MAP3K5: variants seen among roughly 807,000 people sequenced by gnomAD.
The protein encoded by MAP3K5 is ASK-1.
In MAP3K5, 56 loss-of-function variants were observed where a neutral mutation model predicts 158.7. That is an observed-to-expected ratio of 0.35 (90% CI 0.28 to 0.44). MAP3K5 has a LOEUF of 0.44. Among genes scored for constraint, MAP3K5 ranks in the 20% least tolerant of loss-of-function variants. The pLI is 1.00. For missense variants in MAP3K5, 1,294 were observed against 1,674.8 expected (o/e 0.77, Z 3.97); for synonymous variants, 579 against 601.7 (o/e 0.96, Z 0.55).
At chr6:136,772,467 T>C (rs1037865982) in intron 1 of MAP3K5, among the ~76,000 whole-genome samples, 4 of 149,378 alleles carry the variant, frequency 2.7e-5, no homozygotes, top group South Asian at 2.1e-4. Context: ...CAGAAAAGGA[T>C]GGTTGGGGGC....
intron 13 of MAP3K5, among the ~76,000 whole-genome samples, chr6:136,639,144 AG>A: frequency 6.6e-6 from 1 of 152,268 alleles, no homozygotes; most frequent in East Asian, 1.9e-4. Context: ...AAAGCCTACC[AG>A]GTGGATCTAA....
At chr6:136,636,906 T>C in intron 14 of MAP3K5, 2 of 997,694 alleles carry the variant, frequency 2.0e-6, no homozygotes, top group Non-Finnish European at 2.4e-6. Flanking sequence ...CCTCTCTTAA[T>C]TCCATTAATC....
chr6:136,707,063 G>A (rs1781106716), intron 2 of MAP3K5, among the ~76,000 whole-genome samples: 2 of 152,108 alleles, frequency 1.3e-5, no homozygotes, highest in South Asian at 2.1e-4. Context: ...GCTGGGGCAG[G>A]AGGATCACTT....
At chr6:136,791,642 G>A in intron 1 of MAP3K5, 68 bp downstream of exon 1, 1 of 1,531,376 alleles carries the variant, frequency 6.5e-7, no homozygotes, top group Non-Finnish European at 9.0e-7. Context: ...AAAATGAAAT[G>A]CCCCGAAGAC....
At chr6:136,659,457 T>A in intron 8 of MAP3K5, 79 bp from the exon 9 acceptor site, 1 of 1,292,998 alleles carries the variant, frequency 7.7e-7, no homozygotes, top group Non-Finnish European at 1.1e-6. Context: ...AAAGTAAAAT[T>A]AAGCTTTCAT....
chr6:136,626,570 T>G (rs552410143), intron 14 of MAP3K5, among the ~76,000 whole-genome samples: 44 of 152,300 alleles, frequency 2.9e-4, no homozygotes, highest in Non-Finnish European at 5.7e-4. Flanking sequence ...CAACGCCACC[T>G]GAAGGAGCCC....
At chr6:136,599,937 T>C (rs1775801074) in intron 21 of MAP3K5, among the ~76,000 whole-genome samples, 1 of 152,110 alleles carries the variant, frequency 6.6e-6, no homozygotes, top group Admixed American at 6.6e-5. Flanking sequence ...TACAAGGGTG[T>C]GCCTGTCTTC....
At chr6:136,680,104 G>A (rs1275797758) in intron 7 of MAP3K5, among the ~76,000 whole-genome samples, 1 of 151,840 alleles carries the variant, frequency 6.6e-6, no homozygotes, top group Non-Finnish European at 1.5e-5. Context: ...CCACTTACAT[G>A]AGGTACCTAG....
At chr6:136,635,075 T>C (rs923418253) in intron 14 of MAP3K5, among the ~76,000 whole-genome samples, 1 of 149,262 alleles carries the variant, frequency 6.7e-6, no homozygotes, top group African/African-American at 2.5e-5. Flanking sequence ...TTTGGTAAGA[T>C]GCAGTTAGTT....
chr6:136,638,956 T>G (rs1203539614), intron 13 of MAP3K5, among the ~76,000 whole-genome samples: 1 of 152,228 alleles, frequency 6.6e-6, no homozygotes, highest in Non-Finnish European at 1.5e-5. Context: ...AAGAATTTAA[T>G]TATTAGCCCA....
rs1780592104 is a variant in MAP3K5, at chr6:136,696,141, C to G, written c.976-84G>C. 4 of 732,500 alleles carry G rather than the reference C, an allele frequency of 5.5e-6. No homozygotes were observed. The South Asian group carries it at 7.3e-5, about 13-fold the overall frequency. The allele number at this position is 732,500 out of a possible 1,614,324, so 45.4% of individuals were successfully genotyped here. On this transcript the variant is annotated intron_variant, in intron 5 of 29. Transcript: ENST00000359015. ...AACGTGTCTTTTGACAACCAGATAT[C>G]TGAATTCAAGAAACACATTAAAAAG...
At chr6:136,594,057 A>AT (rs1272608999) in intron 21 of MAP3K5, among the ~76,000 whole-genome samples, 1 of 152,196 alleles carries the variant, frequency 6.6e-6, no homozygotes. Flanking sequence ...ATCTGCTGTT[A>AT]TTTAAATAGT....
chr6:136,700,444 A>G (rs755575680), intron 3 of MAP3K5, among the ~76,000 whole-genome samples: 1 of 152,222 alleles, frequency 6.6e-6, no homozygotes, highest in East Asian at 1.9e-4. Flanking sequence ...AAGGGCGACT[A>G]CCTATACAGA....
chr6:136,733,610 A>G (rs1452913514), intron 1 of MAP3K5, among the ~76,000 whole-genome samples: 1 of 151,424 alleles, frequency 6.6e-6, no homozygotes, highest in Admixed American at 6.6e-5. Flanking sequence ...CTTTAAGTTA[A>G]AAAACAAAAA....
intron 7 of MAP3K5, among the ~76,000 whole-genome samples, chr6:136,682,766 G>A (rs931223326): frequency 6.6e-6 from 1 of 152,090 alleles, no homozygotes; most frequent in African/African-American, 2.4e-5. Flanking sequence ...CCTTAAGAAT[G>A]AGAACACCGT....
chr6:136,715,992 T>G (rs754162246), intron 2 of MAP3K5, among the ~76,000 whole-genome samples: 3 of 114,114 alleles, frequency 2.6e-5, no homozygotes, highest in Non-Finnish European at 4.9e-5. Context: ...ATAGCACCAC[T>G]GCACTCCAGC....
chr6:136,779,840 T>C (rs1288587491), intron 1 of MAP3K5, among the ~76,000 whole-genome samples: 3 of 152,220 alleles, frequency 2.0e-5, no homozygotes, highest in Non-Finnish European at 2.9e-5. Context: ...TGACATCCTG[T>C]TGTCAATTTG....
chr6:136,571,835 T>A (rs1774382529), intron 25 of MAP3K5, among the ~76,000 whole-genome samples: 1 of 152,232 alleles, frequency 6.6e-6, no homozygotes, highest in Non-Finnish European at 1.5e-5. Context: ...GCCATCATAC[T>A]GTTTTCCATA....
intron 14 of MAP3K5, among the ~76,000 whole-genome samples, chr6:136,627,037 G>C (rs764394128): frequency 9.2e-5 from 14 of 152,138 alleles, no homozygotes; most frequent in Non-Finnish European, 2.1e-4. Context: ...GTGTTATAAA[G>C]ATATTACAGT....
Sources: gnomAD v4.1 joint callset for allele counts (sites outside exome capture counted in the v4.1 genomes callset) on GRCh38, gnomAD v4.1.1 for gene constraint, MANE v1.5 for transcripts, NCBI Gene and HGNC (gene_info 2026-07-23, HGNC 2026-07-21) for gene names.